OTUD7A: variants seen among roughly 807,000 people sequenced by gnomAD.
The protein encoded by OTUD7A is OTU domain-containing protein 7A.
Under a neutral mutation model 65.7 loss-of-function variants are expected in OTUD7A, and 12 were observed. The ratio of observed to expected loss-of-function variants is 0.18; its 90% CI spans 0.12 to 0.30. OTUD7A has a LOEUF of 0.30. OTUD7A is among the 10% of genes least tolerant of loss of function. The probability of loss-of-function intolerance (pLI) is 1.00; values close to 1 mark genes in which losing one functional copy is unlikely to be tolerated. For synonymous variants in OTUD7A, 641 were observed against 586.3 expected (o/e 1.09, Z -1.35); for missense variants, 1,148 against 1,304.8 (o/e 0.88, Z 1.85).
At chr15:31,763,847 G>GA (rs1378492818) in intron 1 of OTUD7A, among the ~76,000 whole-genome samples, 7 of 152,302 alleles carry the variant, frequency 4.6e-5, no homozygotes, top group African/African-American at 1.4e-4. Context: ...AATGACTGCA[G>GA]AGTTCTCATC....
intron 5 of OTUD7A, among the ~76,000 whole-genome samples, chr15:31,540,738 A>G (rs1239417909): frequency 6.6e-6 from 1 of 152,204 alleles, no homozygotes. Context: ...TGCATATACT[A>G]ATGAATGAAT....
chr15:31,658,998 C>T (rs1453660773), intron 1 of OTUD7A, among the ~76,000 whole-genome samples: 1 of 150,328 alleles, frequency 6.7e-6, no homozygotes, highest in Non-Finnish European at 1.5e-5. Context: ...CGCCATTGCA[C>T]TCCAGCCTGG....
intron 1 of OTUD7A, among the ~76,000 whole-genome samples, chr15:31,808,136 C>CACACAAAAAAA (rs772574742): frequency 4.2e-5 from 5 of 119,418 alleles, no homozygotes; most frequent in Admixed American, 3.6e-4. Context: ...CACACACACA[C>CACACAAAAAAA]AAACAAATCC....
chr15:31,547,608 T>C (rs1263542493), intron 5 of OTUD7A, among the ~76,000 whole-genome samples: 2 of 152,210 alleles, frequency 1.3e-5, no homozygotes, highest in Admixed American at 1.3e-4. Context: ...TTTTTGATCT[T>C]ACGAGCTCTG....
At position 31,483,809 on chromosome 15, in the gene OTUD7A, C is replaced by A; in HGVS notation, c.2287G>T (p.Gly763Ter). The change falls in exon 13 of 13, where the codon GGA (glycine) becomes TGA (stop). Residue 763 changes from glycine (G) to a stop codon, truncating the protein, a stop_gained. Coordinates refer to ENST00000307050, the MANE Select transcript of OTUD7A (RefSeq NM_001382637.1). LOFTEE classifies it high-confidence loss of function. Reference protein sequence around the residue: ...GGGARRASASGPVPGRSPPAP... With the variant: ...GGGARRASAS ...GGGGGGCTGCGGCCAGGCACTGGTC[C>A]GCTGGCGCTCGCACGCCGCGCGCCT... 1 of 1,006,028 alleles carries A rather than the reference C, an allele frequency of 9.9e-7. No individual in the cohort carries two copies. The highest frequency in any genetic ancestry group is 1.2e-6 in the Non-Finnish European group (1 of 845,284). The allele number at this position is 1,006,028 out of a possible 1,614,324, so 62.3% of individuals were successfully genotyped here. A position where few individuals can be genotyped will look rare whatever the true frequency, so the allele number is the denominator to read the frequency against.
intron 1 of OTUD7A, among the ~76,000 whole-genome samples, chr15:31,821,688 C>T (rs1896686921): frequency 6.6e-6 from 1 of 152,138 alleles, no homozygotes; most frequent in Non-Finnish European, 1.5e-5. Flanking sequence ...TGAGCAACTA[C>T]CAAACTATTT....
chr15:31,751,832 G>C (rs914153531), intron 1 of OTUD7A, among the ~76,000 whole-genome samples: 2 of 152,066 alleles, frequency 1.3e-5, no homozygotes, highest in African/African-American at 4.8e-5. Context: ...TTGTATGTGA[G>C]AGCTAAATAT....
intron 1 of OTUD7A, among the ~76,000 whole-genome samples, chr15:31,826,544 C>G (rs1896802869): frequency 6.6e-6 from 1 of 152,244 alleles, no homozygotes; most frequent in Non-Finnish European, 1.5e-5. Flanking sequence ...GTGAAGACAT[C>G]TGACATGCCC....
chr15:31,622,531 T>C (rs1406657612), intron 3 of OTUD7A, among the ~76,000 whole-genome samples: 2 of 152,232 alleles, frequency 1.3e-5, no homozygotes, highest in Admixed American at 6.5e-5. Context: ...CAATCACTGA[T>C]ACCCTTTCTT....
At chr15:31,753,705 TA>T (rs1237778350) in intron 1 of OTUD7A, among the ~76,000 whole-genome samples, 19,204 of 78,144 alleles carry the variant, frequency 0.25, 2,161 homozygotes, top group East Asian at 0.39. Flanking sequence ...ATATATATTA[TA>T]TATATATATA....
At chr15:31,720,672 T>C (rs1893713402) in intron 1 of OTUD7A, among the ~76,000 whole-genome samples, 1 of 152,198 alleles carries the variant, frequency 6.6e-6, no homozygotes, top group Non-Finnish European at 1.5e-5. Context: ...AATGCTGGGA[T>C]TACAGGCGTG....
At chr15:31,839,062 C>T (rs1194356709) in intron 1 of OTUD7A, among the ~76,000 whole-genome samples, 2 of 152,240 alleles carry the variant, frequency 1.3e-5, no homozygotes, top group South Asian at 2.1e-4. Flanking sequence ...CTCCATGGCA[C>T]TCCATAGGGA....
At position 31,495,535 on chromosome 15, in the gene OTUD7A, A is replaced by G. The variant is rs1055819377; in HGVS notation, c.1171+6155T>C. ...CTCCTCGGCCTCTCACCCCTTAGCC[A>G]GGGGCCTTTGCAGACAAAGGTTCTT... On this transcript the variant is annotated intron_variant, in intron 10 of 12. Coordinates refer to ENST00000307050, the MANE Select transcript of OTUD7A (RefSeq NM_001382637.1). 2.0e-5 allele frequency among the ~76,000 whole-genome samples: 3 copies of G among 152,140 alleles called. No homozygotes were observed. The East Asian group carries it at 5.8e-4, about 29-fold the overall frequency.
intron 1 of OTUD7A, among the ~76,000 whole-genome samples, chr15:31,753,680 C>A (rs1894702961): frequency 1.1e-5 from 1 of 90,110 alleles, no homozygotes. Flanking sequence ...TATATATAAC[C>A]TGTGAGATAT....
At chr15:31,806,383 ATTT>A in intron 1 of OTUD7A, among the ~76,000 whole-genome samples, 1 of 152,244 alleles carries the variant, frequency 6.6e-6, no homozygotes, top group Non-Finnish European at 1.5e-5. Context: ...TTGGCAACAC[ATTT>A]AAGAAGAGAT....
intron 1 of OTUD7A, among the ~76,000 whole-genome samples, chr15:31,847,510 G>A (rs1241375658): frequency 6.6e-6 from 1 of 152,164 alleles, no homozygotes; most frequent in Non-Finnish European, 1.5e-5. Context: ...AATGGCCTCT[G>A]ACTCCCACAT....
At chr15:31,856,887 G>A (rs1206978015) in intron 1 of OTUD7A, among the ~76,000 whole-genome samples, 1 of 152,200 alleles carries the variant, frequency 6.6e-6, no homozygotes, top group Non-Finnish European at 1.5e-5. Context: ...GGTGGAGAAG[G>A]GGCTTGTTGG....
chr15:31,842,266 T>C (rs746197555), intron 1 of OTUD7A, among the ~76,000 whole-genome samples: 4 of 152,248 alleles, frequency 2.6e-5, no homozygotes, highest in Non-Finnish European at 4.4e-5. Flanking sequence ...GTGTTCTGTG[T>C]CCTGATCTAG....
chr15:31,539,365 A>C (rs1458119341), intron 5 of OTUD7A, among the ~76,000 whole-genome samples: 2 of 97,358 alleles, frequency 2.1e-5, no homozygotes, highest in African/African-American at 4.1e-5. Context: ...AGAGTAACCC[A>C]GGGTCATATG....
Sources: allele counts gnomAD v4.1 joint callset (sites outside exome capture counted in the v4.1 genomes callset), GRCh38; gene constraint gnomAD v4.1.1; transcripts MANE v1.5; gene names NCBI Gene and HGNC (gene_info 2026-07-23, HGNC 2026-07-21).